The following ZNF41 variants were observed in gnomAD, a reference collection of about 807,000 sequenced individuals.
ZNF41 encodes zinc finger protein 41.
Under a neutral mutation model 9.3 loss-of-function variants are expected in ZNF41, and 6 were observed. The observed-to-expected ratio is 0.65, with a 90% confidence interval of 0.35 to 1.28. The LOEUF (loss-of-function observed/expected upper bound fraction) is 1.28. ZNF41 is among the 50% of genes most tolerant of loss of function. The pLI, the probability that ZNF41 is intolerant of heterozygous loss-of-function variation, is 0.03. For synonymous variants in ZNF41, 192 were observed against 207.1 expected (o/e 0.93, Z 0.63); for missense variants, 523 against 585.8 (o/e 0.89, Z 1.11).
chrX:47,473,668 A>G (rs2057256231), intron 1 of ZNF41, among the ~76,000 whole-genome samples: 1 of 112,240 alleles, frequency 8.9e-6, no homozygotes, highest in African/African-American at 3.2e-5. Flanking sequence ...AATGGCATAG[A>G]TATTATCTTC....
intron 1 of ZNF41, among the ~76,000 whole-genome samples, chrX:47,481,963 ATC>A (rs2057484395): frequency 9.1e-6 from 1 of 110,309 alleles, no homozygotes; most frequent in African/African-American, 3.3e-5. Context: ...GAAGCTGCAT[ATC>A]TGATTCCACA....
At chrX:47,451,812 G>A (rs1421750308) in intron 4 of ZNF41, among the ~76,000 whole-genome samples, 2 of 112,010 alleles carry the variant, frequency 1.8e-5, no homozygotes, top group African/African-American at 6.5e-5. Context: ...GGAGGTGGAG[G>A]TTGCAGTGAG....
intron 2 of ZNF41, among the ~76,000 whole-genome samples, chrX:47,459,266 C>A (rs1406694202): frequency 9.1e-6 from 1 of 109,694 alleles, no homozygotes; most frequent in African/African-American, 3.3e-5. Context: ...AGGAGGATCA[C>A]TAGAACCTGG....
rs2056273113 is a variant in ZNF41, at chrX:47,449,364, C to T, written c.406G>A (p.Glu136Lys). 4.1e-6 allele frequency: 5 copies of T among 1,209,666 alleles called. No individual in the cohort carries two copies. The highest frequency in any genetic ancestry group is 1.8e-5 in the African/African-American group (1 of 57,120). ...AGCTGGTCATTATCTTGCCACAGTT[C>T]TTCTAAAATAGAACATAATGAATCT... ...GEDSLCSILE[E>K]LWQDNDQLEQ... Residue 136 changes from glutamate to lysine, a missense_variant, in exon 5 of 5, where the codon GAA (glutamate) becomes AAA (lysine). Glu to Lys is a moderately conservative substitution (Grantham distance 56, BLOSUM62 1). Coordinates refer to ENST00000684689, the MANE Select transcript of ZNF41 (RefSeq NM_001324144.2).
intron 2 of ZNF41, among the ~76,000 whole-genome samples, chrX:47,456,966 T>C (rs901825340): frequency 8.9e-6 from 1 of 112,003 alleles, no homozygotes; most frequent in Non-Finnish European, 1.9e-5. Flanking sequence ...GGAGTCTGTA[T>C]AGTATATTGA....
chrX:47,448,707 A>G lies in ZNF41; in HGVS notation c.1063T>C (p.Tyr355His), dbSNP rs1178478873. 8.3e-7 allele frequency: 1 copy of G among 1,209,964 alleles called. No homozygotes were observed. Among genetic ancestry groups the G allele is most frequent in the Admixed American group, 2.2e-5 (1 of 45,657 alleles). ...GCTTTTCCACATTCACTGCATTTGT[A>G]GGGTTTCTGCCCGGTATGAATTTTT... ...HQKIHTGQKPYKCSECGKAFF... is the reference protein window; with the variant it reads ...HQKIHTGQKPHKCSECGKAFF... The change falls in exon 5 of 5, where the codon TAC (tyrosine) becomes CAC (histidine). Residue 355 changes from tyrosine (Y) to histidine (H), a missense_variant. By Grantham distance (83) the Tyr-to-His change is moderately conservative (BLOSUM62 2). Coordinates refer to ENST00000684689, the MANE Select transcript of ZNF41 (RefSeq NM_001324144.2).
Position 47,461,258 on chromosome X carries a change from T to C in ZNF41, c.73-4860A>G, listed in dbSNP as rs149253468. Among the ~76,000 whole-genome samples the C allele has an allele frequency of 6.1e-4, 65 of 107,231 alleles. No homozygotes were observed. In the East Asian group the frequency reaches 0.014, roughly 24 times the overall value. 93.1% of individuals were successfully genotyped at this position (107,231 alleles called of 115,157 possible). A position where few individuals can be genotyped will look rare whatever the true frequency, so the allele number is the denominator to read the frequency against. On this transcript the variant is annotated intron_variant, in intron 2 of 4. Transcript: ENST00000684689. ...GATTACAGGCACCCACCATCACGCC[T>C]AACCAATTTTTGTATTTTTAGTAGA...
intron 2 of ZNF41, among the ~76,000 whole-genome samples, chrX:47,462,965 A>C (rs2056862961): frequency 1.5e-5 from 1 of 68,899 alleles, no homozygotes; most frequent in African/African-American, 3.9e-5. Flanking sequence ...ACACACACAC[A>C]CATATGTGTA....
rs760282208 is a variant in ZNF41, at chrX:47,467,510, C to T, written c.-29G>A. 25 of 1,170,839 alleles carry T rather than the reference C, an allele frequency of 2.1e-5. No individual in the cohort carries two copies. In the African/African-American group the frequency reaches 3.5e-4, roughly 17 times the overall value. ...CACGCTGGGCCTCAGCCCTCAGGCTCTCCTGCTGACAACCCCACTCTTCCC... is the reference window on the plus strand; with the variant it reads ...CACGCTGGGCCTCAGCCCTCAGGCTTTCCTGCTGACAACCCCACTCTTCCC... On this transcript the variant is annotated 5_prime_UTR_variant, in exon 2 of 5. Transcript: ENST00000684689.
chrX:47,480,995 C>G (rs1391896475), intron 1 of ZNF41, among the ~76,000 whole-genome samples: 1 of 110,972 alleles, frequency 9.0e-6, no homozygotes, highest in Non-Finnish European at 1.9e-5. Context: ...AGGTGACAGC[C>G]TCTAACCACA....
chrX:47,482,828 C>A (rs374401371), intron 1 of ZNF41: 61 of 113,207 alleles, frequency 5.4e-4, no homozygotes, highest in African/African-American at 1.9e-3. Flanking sequence ...CCAGGCTTCT[C>A]CCCTCCGCCG....
chrX:47,456,947 T>C (rs1026971139), intron 2 of ZNF41, among the ~76,000 whole-genome samples: 1 of 111,424 alleles, frequency 9.0e-6, no homozygotes, highest in African/African-American at 3.3e-5. Context: ...TAGTACCATA[T>C]AAAGGAAAGG....
chrX:47,470,959 T>C lies in ZNF41; in HGVS notation c.-279-3199A>G, dbSNP rs752248705. Reference sequence around the variant, plus strand: ...CATTTGATAGAAACACACCATATCGTTGATCATTCTTTCCTTAATGGTTGG... The same window carrying C: ...CATTTGATAGAAACACACCATATCGCTGATCATTCTTTCCTTAATGGTTGG... On this transcript the variant is annotated intron_variant, in intron 1 of 4. Coordinates refer to ENST00000684689, the MANE Select transcript of ZNF41 (RefSeq NM_001324144.2). 2.7e-5 allele frequency among the ~76,000 whole-genome samples: 3 copies of C among 111,254 alleles called. No homozygotes were observed. The Admixed American group carries it at 2.9e-4, about 11-fold the overall frequency.
intron 1 of ZNF41, chrX:47,477,228 C>CT (rs1313852013): frequency 3.6e-5 from 4 of 110,048 alleles, no homozygotes; most frequent in Non-Finnish European, 7.6e-5. Flanking sequence ...ACTGCAACCT[C>CT]TGCCTTCCGG....
intron 2 of ZNF41, among the ~76,000 whole-genome samples, chrX:47,465,696 A>G: frequency 9.0e-6 from 1 of 111,097 alleles, no homozygotes; most frequent in Non-Finnish European, 1.9e-5. Flanking sequence ...AGTCCCAGCT[A>G]CTTGGGAGGC....
intron 2 of ZNF41, among the ~76,000 whole-genome samples, chrX:47,459,002 T>C (rs1055574920): frequency 9.0e-6 from 1 of 110,853 alleles, no homozygotes. Flanking sequence ...GCAATGGAAA[T>C]TTAAGACATT....
At chrX:47,461,786 C>T (rs960862594) in intron 2 of ZNF41, among the ~76,000 whole-genome samples, 2 of 112,074 alleles carry the variant, frequency 1.8e-5, no homozygotes, top group African/African-American at 3.2e-5. Flanking sequence ...CGGCTCACTG[C>T]AGCCTCAAAC....
chrX:47,461,308 G>A (rs1376884722), intron 2 of ZNF41, among the ~76,000 whole-genome samples: 1 of 109,987 alleles, frequency 9.1e-6, no homozygotes, highest in Non-Finnish European at 1.9e-5. Context: ...ATGTTGGCCA[G>A]GCTGGTCTTG....
At chrX:47,469,309 T>TA (rs2057100013) in intron 1 of ZNF41, among the ~76,000 whole-genome samples, 1 of 7,374 alleles carries the variant, frequency 1.4e-4, no homozygotes, top group Non-Finnish European at 2.6e-4. Context: ...AGACTCCGTC[T>TA]CAAAAAAAAA....
Sources: allele counts gnomAD v4.1 joint callset (sites outside exome capture counted in the v4.1 genomes callset), GRCh38; gene constraint gnomAD v4.1.1; transcripts MANE v1.5; gene names NCBI Gene and HGNC (gene_info 2026-07-23, HGNC 2026-07-21).